PDE5A: variants seen among roughly 807,000 people sequenced by gnomAD.
PDE5A encodes cGMP-specific 3',5'-cyclic phosphodiesterase.
A neutral mutation model predicts 110.2 loss-of-function variants in PDE5A; 67 were observed. That is an observed-to-expected ratio of 0.61 (90% CI 0.50 to 0.75). The LOEUF (loss-of-function observed/expected upper bound fraction) is 0.75. PDE5A is among the 30% of genes least tolerant of loss of function. The pLI, the probability that PDE5A is intolerant of heterozygous loss-of-function variation, is 0.00. For synonymous variants in PDE5A, 328 were observed against 351.2 expected, an observed-to-expected ratio of 0.93 and a Z score of 0.74; for missense variants, 862 against 1,045.1, an observed-to-expected ratio of 0.82 and a Z score of 2.42.
At chr4:119,530,619 ATTATC>A (rs1726496955) in intron 11 of PDE5A, among the ~76,000 whole-genome samples, 1 of 152,098 alleles carries the variant, frequency 6.6e-6, no homozygotes, top group Non-Finnish European at 1.5e-5. Flanking sequence ...AAATTGTATA[ATTATC>A]TTATATATGA....
At chr4:119,536,220 T>C (rs1233288346) in intron 11 of PDE5A, among the ~76,000 whole-genome samples, 1 of 152,166 alleles carries the variant, frequency 6.6e-6, no homozygotes, top group East Asian at 1.9e-4. Context: ...AATTTTCAGA[T>C]TTTTCTGAAA....
chr4:119,616,226 G>A (rs1359694356), intron 1 of PDE5A, among the ~76,000 whole-genome samples: 2 of 152,140 alleles, frequency 1.3e-5, no homozygotes, highest in African/African-American at 4.8e-5. Flanking sequence ...GATATAACCT[G>A]TTATTTCAAA....
chr4:119,562,951 C>T lies in PDE5A; in HGVS notation c.1013G>A (p.Ser338Asn), dbSNP rs201948362. The T allele has an allele frequency of 6.3e-7, 1 of 1,593,558 alleles. No homozygotes were observed. Among genetic ancestry groups the T allele is most frequent in the Non-Finnish European group, 8.5e-7 (1 of 1,173,264 alleles). ...KRNQVLLDLA[S>N]LIFEEQQSLE... ...TGATTGTTGTTCTTCAAAAATTAAA[C>T]TAGCAAGGTCAAGCAGCACCTAGAC... is the stretch of plus-strand genomic sequence containing the variant. The change falls in exon 6 of 21, where the codon AGT becomes AAT. Residue 338 changes from serine (S) to asparagine (N), a missense_variant. By Grantham distance (46) the Ser-to-Asn change is conservative. Transcript: ENST00000354960.
At chr4:119,581,759 A>C (rs978961679) in intron 3 of PDE5A, among the ~76,000 whole-genome samples, 4 of 152,260 alleles carry the variant, frequency 2.6e-5, no homozygotes, top group African/African-American at 9.6e-5. Context: ...AATGGCAATA[A>C]AGCGAGTTAC....
chr4:119,622,755 C>T (rs920457534), intron 1 of PDE5A, among the ~76,000 whole-genome samples: 1 of 151,404 alleles, frequency 6.6e-6, no homozygotes, highest in Admixed American at 6.6e-5. Context: ...CACCTGTGGT[C>T]CCAGCTACTC....
chr4:119,606,596 G>A, intron 2 of PDE5A, 113 bp downstream of exon 2: 5 of 703,116 alleles, frequency 7.1e-6, no homozygotes, highest in Non-Finnish European at 1.2e-5. Context: ...TTACATCTCA[G>A]TTTCAAATAT....
intron 1 of PDE5A, among the ~76,000 whole-genome samples, chr4:119,616,329 T>C (rs903546732): frequency 6.6e-6 from 1 of 152,186 alleles, no homozygotes; most frequent in Admixed American, 6.5e-5. Context: ...ATTAATTAGA[T>C]GGTAGGACAT....
At chr4:119,623,471 T>A (rs1467793001) in intron 1 of PDE5A, among the ~76,000 whole-genome samples, 3 of 152,186 alleles carry the variant, frequency 2.0e-5, no homozygotes, top group Non-Finnish European at 4.4e-5. Context: ...GACACAGCAA[T>A]TATAGGTTTA....
chr4:119,605,841 A>G (rs1455250903), intron 2 of PDE5A, among the ~76,000 whole-genome samples: 1 of 152,170 alleles, frequency 6.6e-6, no homozygotes, highest in Non-Finnish European at 1.5e-5. Context: ...CCAGGAACAC[A>G]ATAAAACAGC....
Position 119,496,386 on chromosome 4 carries a change from C to G in PDE5A, c.*2215G>C, listed in dbSNP as rs1268021918. On this transcript the variant is annotated 3_prime_UTR_variant, in exon 21 of 21. Transcript: ENST00000354960. ...GCTTTGTATGAACTAAAATATCCAACAAAGAAATAAAATAGGCATTGCCCA... is the reference window on the plus strand; with the variant it reads ...GCTTTGTATGAACTAAAATATCCAAGAAAGAAATAAAATAGGCATTGCCCA... The G allele has an allele frequency of 6.6e-6, 1 of 152,114 alleles. No individual in the cohort carries two copies. The highest frequency in any genetic ancestry group is 1.5e-5 in the Non-Finnish European group (1 of 68,004). 9.4% of individuals were successfully genotyped at this position (152,114 alleles called of 1,614,324 possible). A position where few individuals can be genotyped will look rare whatever the true frequency, so the allele number is the denominator to read the frequency against.
intron 1 of PDE5A, among the ~76,000 whole-genome samples, chr4:119,617,335 G>A (rs1729976610): frequency 6.6e-6 from 1 of 152,054 alleles, no homozygotes; most frequent in African/African-American, 2.4e-5. Context: ...TGCAAGCCCT[G>A]GAACTGCATT....
chr4:119,562,622 GTAAAAAAAGGCTGATGAAGAC>G (rs1198618381), intron 6 of PDE5A, among the ~76,000 whole-genome samples, 190 bp downstream of exon 6: 1 of 152,014 alleles, frequency 6.6e-6, no homozygotes, highest in Non-Finnish European at 1.5e-5. Flanking sequence ...ATGAACAGAG[GTAAAAAAAGGCTGATGAAGAC>G]ACCCTCCACC....
chr4:119,585,666 C>T (rs147539587), intron 3 of PDE5A, among the ~76,000 whole-genome samples: 164 of 152,286 alleles, frequency 1.1e-3, no homozygotes, highest in Middle Eastern at 6.8e-3. Context: ...GTTAAAGTGT[C>T]TCCACAAATT....
chr4:119,581,407 A>G (rs1728584566), intron 3 of PDE5A, among the ~76,000 whole-genome samples: 1 of 152,200 alleles, frequency 6.6e-6, no homozygotes, highest in Admixed American at 6.5e-5. Context: ...ATAATTTAAC[A>G]TAAGATATTC....
chr4:119,555,779 C>G (rs1195509692), intron 7 of PDE5A, among the ~76,000 whole-genome samples: 1 of 152,114 alleles, frequency 6.6e-6, no homozygotes, highest in Non-Finnish European at 1.5e-5. Context: ...AGTAGAAAAA[C>G]TACTTCTAAA....
intron 11 of PDE5A, among the ~76,000 whole-genome samples, chr4:119,528,277 T>TA (rs1480129140): frequency 2.0e-5 from 3 of 151,982 alleles, no homozygotes; most frequent in Non-Finnish European, 2.9e-5. Flanking sequence ...AATTAAAAAT[T>TA]AAAAAAAATT....
intron 3 of PDE5A, among the ~76,000 whole-genome samples, chr4:119,573,554 G>T (rs997086255): frequency 6.6e-5 from 10 of 152,134 alleles, no homozygotes; most frequent in Non-Finnish European, 1.0e-4. Flanking sequence ...TCTTCTTAAT[G>T]AATTTTAGAA....
At chr4:119,560,416 T>C in intron 6 of PDE5A, 53 bp from the exon 7 acceptor site, 1 of 1,164,024 alleles carries the variant, frequency 8.6e-7, no homozygotes, top group Non-Finnish European at 1.2e-6. Context: ...TAATGAAAAC[T>C]ATCTAGATAC....
At chr4:119,522,441 A>T (rs1726160979) in intron 12 of PDE5A, among the ~76,000 whole-genome samples, 1 of 152,090 alleles carries the variant, frequency 6.6e-6, no homozygotes, top group Admixed American at 6.6e-5. Flanking sequence ...ATATGTTTAG[A>T]AAATATGTTG....
Sources: allele counts gnomAD v4.1 joint callset (sites outside exome capture counted in the v4.1 genomes callset), GRCh38; gene constraint gnomAD v4.1.1; transcripts MANE v1.5; gene names NCBI Gene and HGNC (gene_info 2026-07-23, HGNC 2026-07-21).